PDE8A: variants seen among roughly 807,000 people sequenced by gnomAD.
PDE8A encodes the protein high affinity cAMP-specific and IBMX-insensitive 3',5'-cyclic phosphodiesterase 8A.
A neutral mutation model predicts 105.0 loss-of-function variants in PDE8A; 59 were observed. The ratio of observed to expected loss-of-function variants is 0.56; its 90% CI spans 0.46 to 0.70. PDE8A has a LOEUF of 0.70. Ranked by LOEUF, PDE8A falls within the 30% of genes least tolerant of loss-of-function variation. The pLI is 0.00. For missense variants in PDE8A, 1,014 were observed against 1,045.9 expected, an observed-to-expected ratio of 0.97 and a Z score of 0.42; for synonymous variants, 355 against 371.9, an observed-to-expected ratio of 0.95 and a Z score of 0.52.
At chr15:85,100,710 C>T (rs1290409144) in intron 11 of PDE8A, among the ~76,000 whole-genome samples, 5 of 152,186 alleles carry the variant, frequency 3.3e-5, no homozygotes, top group East Asian at 1.9e-4. Flanking sequence ...TTCCTTCAAA[C>T]GTGTCATGAC....
chr15:84,997,681 C>T (rs1567220699), intron 1 of PDE8A, among the ~76,000 whole-genome samples: 1 of 152,106 alleles, frequency 6.6e-6, no homozygotes, highest in Non-Finnish European at 1.5e-5. Flanking sequence ...CAATCCCTGC[C>T]TCCCAGGTTC....
chr15:84,996,711 A>G (rs1376840838), intron 1 of PDE8A, among the ~76,000 whole-genome samples: 1 of 150,936 alleles, frequency 6.6e-6, no homozygotes, highest in Non-Finnish European at 1.5e-5. Flanking sequence ...CTGTAATCGC[A>G]GCTACTCAGG....
intron 11 of PDE8A, among the ~76,000 whole-genome samples, chr15:85,102,040 T>C (rs965772614): frequency 6.6e-5 from 10 of 152,118 alleles, no homozygotes; most frequent in African/African-American, 2.2e-4. Context: ...CAGCCAAGCA[T>C]TAGCAAGTAG....
chr15:85,118,344 TC>T (rs1187998228), intron 17 of PDE8A, among the ~76,000 whole-genome samples: 1 of 152,096 alleles, frequency 6.6e-6, no homozygotes, highest in Non-Finnish European at 1.5e-5. Context: ...TTTCCACTCC[TC>T]AACCCCCCAC....
chr15:85,061,778 A>C (rs757427410), intron 1 of PDE8A, among the ~76,000 whole-genome samples: 9 of 151,550 alleles, frequency 5.9e-5, no homozygotes, highest in Non-Finnish European at 1.3e-4. Context: ...AGCTCTGTTC[A>C]CTATTTTTTT....
chr15:85,038,442 C>T (rs960992869), intron 1 of PDE8A, among the ~76,000 whole-genome samples: 3 of 152,026 alleles, frequency 2.0e-5, no homozygotes, highest in South Asian at 4.1e-4. Context: ...TAGTGCTTTT[C>T]GTATCTGGTT....
intron 14 of PDE8A, chr15:85,115,217 G>A: frequency 2.0e-6 from 1 of 490,788 alleles, no homozygotes. Context: ...GCTTCCAACA[G>A]GGCCAGGACC....
intron 1 of PDE8A, among the ~76,000 whole-genome samples, chr15:85,002,403 T>G (rs1043784756): frequency 6.6e-6 from 1 of 152,190 alleles, no homozygotes; most frequent in South Asian, 2.1e-4. Flanking sequence ...TACACAGGGC[T>G]AGGTCTAGAG....
intron 1 of PDE8A, among the ~76,000 whole-genome samples, chr15:85,001,412 G>C (rs1362609468): frequency 4.6e-5 from 7 of 152,122 alleles, no homozygotes; most frequent in Admixed American, 3.9e-4. Flanking sequence ...TATGATAAAG[G>C]GTTCCAACTG....
rs1204402684 is a variant in PDE8A, at chr15:85,138,592, A to G, written c.*689A>G. The stretch of plus-strand genomic sequence containing the variant: ...TATTTTCATAATGCAAATTAATAAA[A>G]TGACACTTTTACTGCACTATAGAAA... On this transcript the variant is annotated 3_prime_UTR_variant, in exon 22 of 22. Transcript: ENST00000394553. 2 of 152,660 alleles carry G rather than the reference A, an allele frequency of 1.3e-5. No homozygotes were observed. The highest frequency in any genetic ancestry group is 4.8e-5 in the African/African-American group (2 of 41,446). 9.5% of individuals were successfully genotyped at this position (152,660 alleles called of 1,614,324 possible).
intron 20 of PDE8A, among the ~76,000 whole-genome samples, chr15:85,127,940 G>A (rs1175097898): frequency 2.0e-5 from 3 of 150,134 alleles, no homozygotes; most frequent in Non-Finnish European, 4.4e-5. Flanking sequence ...AAGATAACAA[G>A]TACAACCATG....
chr15:85,079,410 A>G (rs987467818), intron 5 of PDE8A, among the ~76,000 whole-genome samples: 3 of 152,232 alleles, frequency 2.0e-5, no homozygotes, highest in African/African-American at 4.8e-5. Flanking sequence ...GGTAATTGGT[A>G]TCTTGTTTTC....
At chr15:84,987,889 A>G (rs8039116) in intron 1 of PDE8A, among the ~76,000 whole-genome samples, 14,537 of 152,158 alleles carry the variant, frequency 0.096, 1,197 homozygotes, top group African/African-American at 0.23. Context: ...AAAAAAAAGA[A>G]CAGAGGGATA....
intron 3 of PDE8A, among the ~76,000 whole-genome samples, chr15:85,073,120 A>G (rs1008049516): frequency 6.6e-6 from 1 of 152,118 alleles, no homozygotes; most frequent in Non-Finnish European, 1.5e-5. Flanking sequence ...TCTCAAAAAA[A>G]AAGTGGGGTG....
chr15:85,104,487 GAA>G (rs1473754615), intron 11 of PDE8A, among the ~76,000 whole-genome samples: 1 of 152,038 alleles, frequency 6.6e-6, no homozygotes, highest in Non-Finnish European at 1.5e-5. Flanking sequence ...CAGTCATGGA[GAA>G]AAGAGATTGA....
Position 85,123,710 on chromosome 15 carries a change from G to T in PDE8A, c.2085+517G>T, listed in dbSNP as rs141509888. Among the ~76,000 whole-genome samples, 206 of 152,190 alleles carry T rather than the reference G, an allele frequency of 1.4e-3. 1 individual carries two copies. The highest frequency in any genetic ancestry group is 4.7e-3 in the African/African-American group (196 of 41,524). Reference sequence around the variant, plus strand: ...GCAACACTCTCACAGAAACACCCAGGATCAATACTTTGTATTCTTCAATCC... The same window carrying T: ...GCAACACTCTCACAGAAACACCCAGTATCAATACTTTGTATTCTTCAATCC... On this transcript the variant is annotated intron_variant, in intron 19 of 21. Coordinates refer to ENST00000394553, the MANE Select transcript of PDE8A (RefSeq NM_002605.3).
intron 1 of PDE8A, among the ~76,000 whole-genome samples, chr15:84,986,101 C>A (rs899332707): frequency 3.3e-5 from 5 of 152,126 alleles, no homozygotes; most frequent in Non-Finnish European, 7.3e-5. Flanking sequence ...GCACCGCACA[C>A]CTTTAGTCCC....
Position 85,113,878 on chromosome 15 carries a change from C to G in PDE8A, c.1191C>G (p.Ile397Met). The G allele has an allele frequency of 6.2e-7, 1 of 1,608,356 alleles. No homozygotes were observed. Among genetic ancestry groups the G allele is most frequent in the South Asian group, 1.1e-5 (1 of 90,260 alleles). ...ATTTTCTTTCCATAATGTAGGTAAT[C>G]AATATTATCAATGCTGCCCAGGAAA... ...MTIEAPITKV[I>M]NIINAAQESS... is the part of the protein sequence containing the mutation. Residue 397 changes from isoleucine to methionine, a missense_variant, in exon 14 of 22, where the codon ATC (isoleucine) becomes ATG (methionine). Physicochemically the swap from Ile to Met is conservative, Grantham distance 10. Coordinates refer to ENST00000394553, the MANE Select transcript of PDE8A (RefSeq NM_002605.3).
At chr15:85,019,603 C>T (rs999905488) in intron 1 of PDE8A, among the ~76,000 whole-genome samples, 2 of 151,724 alleles carry the variant, frequency 1.3e-5, no homozygotes, top group African/African-American at 4.8e-5. Context: ...GTTTTGGAGT[C>T]AGAGTTTCGC....
Sources: allele counts gnomAD v4.1 joint callset (sites outside exome capture counted in the v4.1 genomes callset), GRCh38; gene constraint gnomAD v4.1.1; transcripts MANE v1.5; gene names NCBI Gene and HGNC (gene_info 2026-07-23, HGNC 2026-07-21).